The following MPDZ variants were observed in gnomAD, a reference collection of about 807,000 sequenced individuals.
MPDZ encodes the protein multiple PDZ domain crumbs cell polarity complex component.
In MPDZ, 234 loss-of-function variants were observed where a neutral mutation model predicts 239.1. The ratio of observed to expected loss-of-function variants is 0.98; its 90% confidence interval spans 0.88 to 1.09. The LOEUF (loss-of-function observed/expected upper bound fraction) is 1.09, where lower values mean the gene tolerates loss of function less well. Ranked by LOEUF, MPDZ falls within the 50% of genes least tolerant of loss-of-function variation. MPDZ has a pLI of 0.00. For synonymous variants in MPDZ, 1,048 were observed against 881.3 expected, an observed-to-expected ratio of 1.19 and a Z score of -3.35; for missense variants, 3,175 against 2,510.0, an observed-to-expected ratio of 1.26 and a Z score of -5.66.
At chr9:13,255,766 T>G (rs1463337182) in intron 1 of MPDZ, among the ~76,000 whole-genome samples, 1 of 152,208 alleles carries the variant, frequency 6.6e-6, no homozygotes, top group Non-Finnish European at 1.5e-5. Flanking sequence ...CAGTCTTTCT[T>G]TTTCCATTTA....
intron 27 of MPDZ, 138 bp from the exon 28 acceptor site, chr9:13,140,287 T>C: frequency 1.8e-5 from 7 of 396,910 alleles, no homozygotes; most frequent in Non-Finnish European, 2.4e-5. Flanking sequence ...CATATATGTA[T>C]ATAATATATA....
chr9:13,170,863 C>T (rs1156591554), intron 21 of MPDZ, among the ~76,000 whole-genome samples: 1 of 152,180 alleles, frequency 6.6e-6, no homozygotes, highest in Non-Finnish European at 1.5e-5. Flanking sequence ...CACCAAATGA[C>T]AATTTTCCAG....
chr9:13,163,255 T>A (rs542906530), intron 22 of MPDZ, among the ~76,000 whole-genome samples: 55 of 152,300 alleles, frequency 3.6e-4, no homozygotes, highest in African/African-American at 1.2e-3. Context: ...CTTTCTATAA[T>A]ACATAATTAA....
chr9:13,120,604 A>T (rs1944200210), intron 38 of MPDZ: 1 of 152,216 alleles, frequency 6.6e-6, no homozygotes, highest in African/African-American at 2.4e-5. Flanking sequence ...ACACTCAAAT[A>T]ATATGCTAAA....
intron 8 of MPDZ, among the ~76,000 whole-genome samples, chr9:13,218,004 G>A (rs1958581205): frequency 6.6e-6 from 1 of 151,708 alleles, no homozygotes; most frequent in African/African-American, 2.4e-5. Context: ...ATAAGCTATT[G>A]GTACTATGTA....
chr9:13,186,184 TA>T, intron 18 of MPDZ, 85 bp downstream of exon 18: 1 of 640,386 alleles, frequency 1.6e-6, no homozygotes, highest in Non-Finnish European at 2.4e-6. Context: ...ACAAAGAATA[TA>T]ATAGACTTCT....
In MPDZ at chr9:13,179,670, T is replaced by C. The variant is rs536549924; in HGVS notation, c.2650-3253A>G. Among the ~76,000 whole-genome samples, 15 of 152,278 alleles carry C rather than the reference T, an allele frequency of 9.9e-5. 1 individual carries two copies. In the South Asian group the frequency reaches 2.3e-3, roughly 23 times the overall value. On this transcript the variant is annotated intron_variant, in intron 19 of 46. Coordinates refer to ENST00000319217, the MANE Select transcript of MPDZ (RefSeq NM_001378778.1). Reference sequence around the variant, plus strand: ...GCAACTTGATATCTAAAGTGAAGTCTTTCAAAAGTCTATATTAATATGTGA... The same window carrying C: ...GCAACTTGATATCTAAAGTGAAGTCCTTCAAAAGTCTATATTAATATGTGA...
At chr9:13,249,566 C>T (rs946258560) in intron 2 of MPDZ, among the ~76,000 whole-genome samples, 6 of 152,104 alleles carry the variant, frequency 3.9e-5, no homozygotes, top group African/African-American at 1.4e-4. Context: ...TCCCTCAAAA[C>T]CCACCGACAT....
At chr9:13,225,623 G>T (rs1410757618) in intron 3 of MPDZ, among the ~76,000 whole-genome samples, 1 of 151,820 alleles carries the variant, frequency 6.6e-6, no homozygotes, top group Non-Finnish European at 1.5e-5. Context: ...TAGAAACACA[G>T]ACAATTACCA....
At position 13,248,766 on chromosome 9, in the gene MPDZ, G is replaced by C. The variant is rs181242763; in HGVS notation, c.17-965C>G. Among the ~76,000 whole-genome samples the C allele has an allele frequency of 3.5e-3, 533 of 151,210 alleles. 7 individuals carry two copies. The highest frequency in any genetic ancestry group is 0.012 in the African/African-American group (503 of 41,236). ...GTGGATTACTTGAGCTCAGGAGTTT[G>C]AGACCAGCCTGGCCAACATGGTAAA... On this transcript the variant is annotated intron_variant, in intron 2 of 46. Coordinates refer to ENST00000319217, the MANE Select transcript of MPDZ (RefSeq NM_001378778.1).
At chr9:13,165,340 A>G (rs1218259527) in intron 22 of MPDZ, 1 of 1,547,470 alleles carries the variant, frequency 6.5e-7, no homozygotes, top group African/African-American at 1.4e-5. Flanking sequence ...CACAGCCATA[A>G]TGAGCTTTCG....
intron 42 of MPDZ, 22 bp downstream of exon 42, chr9:13,112,989 T>C (rs1182906233): frequency 1.9e-6 from 3 of 1,572,478 alleles, no homozygotes; most frequent in South Asian, 2.3e-5. Flanking sequence ...AGGGTTTATA[T>C]TGTTTTCTCT....
intron 3 of MPDZ, among the ~76,000 whole-genome samples, chr9:13,231,883 A>C (rs1962594711): frequency 6.6e-6 from 1 of 152,178 alleles, no homozygotes; most frequent in Non-Finnish European, 1.5e-5. Context: ...TTAAAGAGGA[A>C]AATGATTATG....
intron 26 of MPDZ, among the ~76,000 whole-genome samples, chr9:13,144,551 T>G (rs1422046203): frequency 6.6e-6 from 1 of 152,108 alleles, no homozygotes; most frequent in African/African-American, 2.4e-5. Context: ...ATTAAATGTT[T>G]GTGTTACTTT....
At position 13,192,130 on chromosome 9, in the gene MPDZ, C is replaced by A. The variant is rs1426662226; in HGVS notation, c.1968+1G>T. On this transcript the variant is annotated splice_donor_variant, in intron 15 of 46. Transcript: ENST00000319217. LOFTEE classifies it high-confidence loss of function. ...TAGCCTCATGTATGCAAATCTGATA[C>A]CTTTTCTGTTAGCTCAATATCACAT... is the stretch of plus-strand genomic sequence containing the variant. 2 of 1,589,474 alleles carry A rather than the reference C, an allele frequency of 1.3e-6. No individual in the cohort carries two copies. Among genetic ancestry groups the A allele is most frequent in the Non-Finnish European group, 1.7e-6 (2 of 1,166,658 alleles).
At chr9:13,207,874 A>G (rs1231769110) in intron 10 of MPDZ, among the ~76,000 whole-genome samples, 1 of 152,234 alleles carries the variant, frequency 6.6e-6, no homozygotes, top group East Asian at 1.9e-4. Flanking sequence ...GTAGATAAAT[A>G]TAAATTTTAA....
At chr9:13,264,758 T>A (rs1971445470) in intron 1 of MPDZ, among the ~76,000 whole-genome samples, 1 of 152,174 alleles carries the variant, frequency 6.6e-6, no homozygotes, top group Non-Finnish European at 1.5e-5. Context: ...TTCATAATGT[T>A]CCTTAATGTA....
intron 43 of MPDZ, 133 bp from the exon 44 acceptor site, chr9:13,110,873 A>G: frequency 1.8e-6 from 1 of 555,936 alleles, no homozygotes; most frequent in Non-Finnish European, 3.1e-6. Flanking sequence ...AAATATAACC[A>G]AGGAAACCAC....
At chr9:13,198,185 G>C (rs2135363296) in intron 12 of MPDZ, among the ~76,000 whole-genome samples, 1 of 152,112 alleles carries the variant, frequency 6.6e-6, no homozygotes, top group South Asian at 2.1e-4. Context: ...GCTCTCCCTA[G>C]TGGCTGTACT....
Sources: allele counts gnomAD v4.1 joint callset (sites outside exome capture counted in the v4.1 genomes callset), GRCh38; gene constraint gnomAD v4.1.1; transcripts MANE v1.5; gene names NCBI Gene and HGNC (gene_info 2026-07-23, HGNC 2026-07-21).